The following TMSB15B variants were observed in gnomAD, a reference collection of about 807,000 sequenced individuals.
The protein encoded by TMSB15B is thymosin beta-15B.
chrX:103,925,012 C>T (rs2074964362), intron 1 of TMSB15B, among the ~76,000 whole-genome samples: 1 of 112,299 alleles, frequency 8.9e-6, no homozygotes, highest in Non-Finnish European at 1.9e-5. Context: ...TCTTTATCTG[C>T]TTCTGGCTGT....
At chrX:103,929,224 C>T (rs1206019073) in intron 1 of TMSB15B, among the ~76,000 whole-genome samples, 1 of 112,095 alleles carries the variant, frequency 8.9e-6, no homozygotes, top group Non-Finnish European at 1.9e-5. Context: ...AACGTTCGCC[C>T]CAGTCTCTCC....
chrX:103,919,510 C>G (rs41310641), intron 1 of TMSB15B: 8,371 of 111,811 alleles, frequency 0.075, 322 homozygotes, highest in Non-Finnish European at 0.12. Context: ...CTCAGCAGCC[C>G]TGTGAAGGAG....
At chrX:103,954,086 G>A (rs1464983292) in intron 1 of TMSB15B, among the ~76,000 whole-genome samples, 1 of 111,870 alleles carries the variant, frequency 8.9e-6, no homozygotes, top group East Asian at 2.8e-4. Flanking sequence ...CTCTGGTGTG[G>A]AGCCCCCAGG....
At chrX:103,922,841 T>C (rs782167508) in intron 1 of TMSB15B, among the ~76,000 whole-genome samples, 2 of 112,346 alleles carry the variant, frequency 1.8e-5, no homozygotes, top group African/African-American at 6.5e-5. Flanking sequence ...AAAGTGTTCC[T>C]GTTTCTCCAC....
At chrX:103,928,464 G>C in intron 1 of TMSB15B, 2 of 1,204,176 alleles carry the variant, frequency 1.7e-6, no homozygotes, top group Non-Finnish European at 2.3e-6. Context: ...CAGGGATCAT[G>C]TCTGGCCTGG....
rs2074969127 is a variant in TMSB15B, at chrX:103,926,705, C to T, written c.-721+7413C>T. ...TTCTACTCCTCCATGGGGACCTGAT[C>T]CTGGACTCTGTGGTCCCCCATTGGC... On this transcript the variant is annotated intron_variant, in intron 1 of 3. Transcript: ENST00000419165. Among the ~76,000 whole-genome samples, 3 of 110,657 alleles carry T rather than the reference C, an allele frequency of 2.7e-5. No homozygotes were observed. In the South Asian group the frequency reaches 1.2e-3, roughly 44 times the overall value.
intron 1 of TMSB15B, among the ~76,000 whole-genome samples, chrX:103,922,599 T>C (rs2074956770): frequency 9.0e-6 from 1 of 111,134 alleles, no homozygotes; most frequent in African/African-American, 3.3e-5. Context: ...CTTAATCCAG[T>C]CTATTATTGA....
At chrX:103,942,503 A>G (rs1172404676) in intron 1 of TMSB15B, among the ~76,000 whole-genome samples, 1 of 111,960 alleles carries the variant, frequency 8.9e-6, no homozygotes, top group Non-Finnish European at 1.9e-5. Flanking sequence ...GCATTGCCTT[A>G]TTACCTGTAA....
At chrX:103,939,151 G>T (rs2075006138) in intron 1 of TMSB15B, among the ~76,000 whole-genome samples, 1 of 111,127 alleles carries the variant, frequency 9.0e-6, no homozygotes, top group Non-Finnish European at 1.9e-5. Context: ...TTCTTCTCGA[G>T]GAGTATCTTT....
intron 1 of TMSB15B, among the ~76,000 whole-genome samples, chrX:103,948,719 A>T (rs1250501405): frequency 1.8e-5 from 2 of 112,540 alleles, no homozygotes; most frequent in African/African-American, 6.5e-5. Flanking sequence ...CACAGATGTG[A>T]TCTAACTTGT....
At chrX:103,924,882 T>C (rs1556318546) in intron 1 of TMSB15B, among the ~76,000 whole-genome samples, 5 of 110,987 alleles carry the variant, frequency 4.5e-5, no homozygotes, top group Non-Finnish European at 9.4e-5. Context: ...CGGTGGTCTG[T>C]ACTTTGAATT....
chrX:103,954,190 C>T (rs782666310), intron 1 of TMSB15B, among the ~76,000 whole-genome samples: 3 of 112,324 alleles, frequency 2.7e-5, no homozygotes, highest in African/African-American at 9.7e-5. Flanking sequence ...CCAGGCATGG[C>T]CACCCCTTTA....
At chrX:103,953,896 G>T (rs1556328714) in intron 1 of TMSB15B, among the ~76,000 whole-genome samples, 1 of 111,429 alleles carries the variant, frequency 9.0e-6, no homozygotes, top group African/African-American at 3.3e-5. Context: ...GAGACCCTAA[G>T]TGCCTTCTCC....
intron 1 of TMSB15B, chrX:103,931,481 G>A (rs539972046): frequency 8.9e-6 from 1 of 111,814 alleles, no homozygotes; most frequent in East Asian, 2.8e-4. Context: ...TACACACACA[G>A]GATATTTTTT....
intron 1 of TMSB15B, among the ~76,000 whole-genome samples, chrX:103,922,421 T>G (rs2074956148): frequency 1.0e-5 from 1 of 98,063 alleles, no homozygotes; most frequent in South Asian, 5.8e-4. Context: ...GTGTTCTCAT[T>G]GTTCAATTCC....
At chrX:103,955,522 C>T (rs1422280751) in intron 1 of TMSB15B, among the ~76,000 whole-genome samples, 1 of 109,025 alleles carries the variant, frequency 9.2e-6, no homozygotes, top group Non-Finnish European at 1.9e-5. Flanking sequence ...CAGAATAGAC[C>T]AAGCAGAAGA....
In TMSB15B at chrX:103,928,573, G is replaced by A. The variant is rs1328698082; in HGVS notation, c.-721+9281G>A. On this transcript the variant is annotated intron_variant, in intron 1 of 3. Coordinates refer to the TMSB15B transcript ENST00000419165. ...ACCCAGCACCTTCAGCATTCTTGAGGAATTCAATTCTTATGGGCTTTGGGG... is the reference window on the plus strand; with the variant it reads ...ACCCAGCACCTTCAGCATTCTTGAGAAATTCAATTCTTATGGGCTTTGGGG... 10 of 1,178,794 alleles carry A rather than the reference G, an allele frequency of 8.5e-6. No individual in the cohort carries two copies. In the Admixed American group the frequency reaches 2.2e-4, roughly 26 times the overall value.
intron 1 of TMSB15B, among the ~76,000 whole-genome samples, chrX:103,938,625 C>T (rs1556322835): frequency 8.9e-6 from 1 of 112,071 alleles, no homozygotes; most frequent in Non-Finnish European, 1.9e-5. Flanking sequence ...CAGTCTATGC[C>T]TTTTAATTGG....
At chrX:103,943,674 T>G (rs1449097018) in intron 1 of TMSB15B, among the ~76,000 whole-genome samples, 1 of 111,761 alleles carries the variant, frequency 8.9e-6, no homozygotes, top group Non-Finnish European at 1.9e-5. Flanking sequence ...CTCTTTTTCC[T>G]CTACTTAAAT....
Sources: allele counts gnomAD v4.1 joint callset (sites outside exome capture counted in the v4.1 genomes callset), GRCh38; gene constraint gnomAD v4.1.1; transcripts MANE v1.5; gene names NCBI Gene and HGNC (gene_info 2026-07-23, HGNC 2026-07-21).